Variants in RACGAP1 observed in about 807,000 individuals in gnomAD.
RACGAP1 encodes Rac GTPase activating protein 1.
RACGAP1 carries 30 observed loss-of-function variants against 78.1 expected under a neutral mutation model. The ratio of observed to expected loss-of-function variants is 0.38; its 90% confidence interval spans 0.29 to 0.52. The LOEUF (loss-of-function observed/expected upper bound fraction) is 0.52, where lower values mean the gene tolerates loss of function less well. Ranked by LOEUF, RACGAP1 falls within the 20% of genes least tolerant of loss-of-function variation. The pLI is 0.82. For missense variants in RACGAP1, 587 were observed against 777.1 expected (o/e 0.76, Z 2.91); for synonymous variants, 231 against 264.8 (o/e 0.87, Z 1.24).
intron 3 of RACGAP1, 126 bp downstream of exon 3, chr12:50,006,305 AAAG>A (rs1443725791): frequency 2.1e-6 from 2 of 975,134 alleles, no homozygotes; most frequent in Admixed American, 2.0e-5. Context: ...GCAAGCTGTT[AAAG>A]AACAGGTCAC....
chr12:50,004,334 C>T lies in RACGAP1; in HGVS notation c.426-30G>A, dbSNP rs779064368. The T allele has an allele frequency of 7.7e-6, 12 of 1,565,054 alleles. No homozygotes were observed. The East Asian group carries it at 2.3e-4, about 30-fold the overall frequency. The stretch of plus-strand genomic sequence containing the variant: ...ATCAGTGAAACAATACAACGTTAGA[C>T]ATGGTAGACTGTGGAATGTAAAATT... On this transcript the variant is annotated intron_variant, in intron 4 of 16. Transcript: ENST00000312377.
chr12:50,032,099 T>C (rs1451399976), intron 1 of RACGAP1, among the ~76,000 whole-genome samples: 1 of 152,076 alleles, frequency 6.6e-6, no homozygotes, highest in African/African-American at 2.4e-5. Context: ...TGAGCCAAGA[T>C]TGTGTCACAG....
intron 1 of RACGAP1, among the ~76,000 whole-genome samples, chr12:50,017,735 G>A (rs1347597385): frequency 1.3e-5 from 2 of 152,062 alleles, no homozygotes; most frequent in African/African-American, 2.4e-5. Flanking sequence ...TCTAGTCCAG[G>A]TCCTTATTTC....
intron 4 of RACGAP1, among the ~76,000 whole-genome samples, 178 bp from the exon 5 acceptor site, chr12:50,004,482 G>A (rs1482102700): frequency 6.6e-6 from 1 of 152,180 alleles, no homozygotes; most frequent in African/African-American, 2.4e-5. Flanking sequence ...TGGTTTCCAC[G>A]GAGGAGTGTG....
At chr12:50,008,737 C>A (rs193146349) in intron 2 of RACGAP1, among the ~76,000 whole-genome samples, 1 of 152,196 alleles carries the variant, frequency 6.6e-6, no homozygotes, top group Non-Finnish European at 1.5e-5. Context: ...AAGTGATTGA[C>A]CTGCCTCAGC....
chr12:50,016,680 A>T lies in RACGAP1; in HGVS notation c.36T>A (p.Phe12Leu), dbSNP rs1407100206. The T allele has an allele frequency of 3.2e-5, 51 of 1,613,938 alleles. No homozygotes were observed. The highest frequency in any genetic ancestry group is 4.2e-5 in the Non-Finnish European group (50 of 1,180,012). ...TCTCCACCCGGCGCACAAGCTGCTC[A>T]AACAGATTCCGCACATTCAGCATCA... ...DTMMLNVRNL[F>L]EQLVRRVEIL... The change falls in exon 2 of 17, where the codon TTT (phenylalanine) becomes TTA (leucine). Residue 12 changes from phenylalanine (F) to leucine (L), a missense_variant. Phe to Leu is a conservative substitution (Grantham distance 22). Coordinates refer to ENST00000312377, the MANE Select transcript of RACGAP1 (RefSeq NM_001319999.2).
At chr12:50,000,139 G>A (rs1461124171) in intron 7 of RACGAP1, among the ~76,000 whole-genome samples, 1 of 150,498 alleles carries the variant, frequency 6.6e-6, no homozygotes, top group South Asian at 2.1e-4. Flanking sequence ...TCAGCCTCCC[G>A]AGTAGCTGGG....
chr12:49,989,895 C>A lies in RACGAP1; in HGVS notation c.*373G>T. ...AGGTAGGGTTTCTGTCATTGTCTCA[C>A]GGAAATCAGTTCTAAATGAAACTAG... On this transcript the variant is annotated 3_prime_UTR_variant, in exon 17 of 17. Transcript: ENST00000312377. 5.8e-6 allele frequency: 1 copy of A among 171,720 alleles called. No individual in the cohort carries two copies. The allele number at this position is 171,720 out of a possible 1,614,324, so 10.6% of individuals were successfully genotyped here.
At chr12:50,031,757 C>T (rs907673998) in exon 2 of RACGAP1, 9 of 985,326 alleles carry the variant, frequency 9.1e-6, no homozygotes, top group African/African-American at 8.7e-5. Flanking sequence ...CATAAACTCC[C>T]GCAGCACTGT....
intron 10 of RACGAP1, among the ~76,000 whole-genome samples, 196 bp from the exon 11 acceptor site, chr12:49,994,705 T>G (rs1948136586): frequency 6.6e-6 from 1 of 152,204 alleles, no homozygotes; most frequent in Non-Finnish European, 1.5e-5. Flanking sequence ...GACTGATTTA[T>G]TATCATATAT....
chr12:49,991,476 TA>T (rs1565654114), intron 15 of RACGAP1, among the ~76,000 whole-genome samples: 25 of 38,688 alleles, frequency 6.5e-4, no homozygotes, highest in African/African-American at 1.4e-3. Context: ...TATATATATA[TA>T]TATTTTTTTT....
chr12:49,995,842 A>C (rs940385317), intron 10 of RACGAP1, among the ~76,000 whole-genome samples: 8 of 152,224 alleles, frequency 5.3e-5, no homozygotes, highest in Non-Finnish European at 8.8e-5. Context: ...AAACTGGTTA[A>C]ATATTTGGAA....
intron 2 of RACGAP1, among the ~76,000 whole-genome samples, chr12:50,016,336 G>A (rs1269823327): frequency 1.3e-5 from 2 of 151,722 alleles, no homozygotes; most frequent in South Asian, 2.1e-4. Flanking sequence ...GAGCCGAGAT[G>A]TCGCCACTGC....
In RACGAP1 at chr12:50,012,574, A is replaced by T. The variant is rs186980077; in HGVS notation, c.85+4057T>A. ...GAAACTCCATCTCAAAAAAATAAAA[A>T]AAATAAATAAATAAATAAAAATAAA... On this transcript the variant is annotated intron_variant, in intron 2 of 16. Transcript: ENST00000312377. Among the ~76,000 whole-genome samples the T allele has an allele frequency of 2.8e-3, 419 of 151,706 alleles. 1 individual carries two copies. Among genetic ancestry groups the T allele is most frequent in the Non-Finnish European group, 3.5e-3 (236 of 67,892 alleles).
chr12:50,024,333 T>C (rs1950169404), intron 1 of RACGAP1, among the ~76,000 whole-genome samples: 1 of 152,074 alleles, frequency 6.6e-6, no homozygotes, highest in South Asian at 2.1e-4. Context: ...TACTCAGCCA[T>C]AAAAAAGAAT....
chr12:49,996,668 AT>A lies in RACGAP1; in HGVS notation c.1044+371del, dbSNP rs1948304763. On this transcript the variant is annotated intron_variant, in intron 10 of 16. Transcript: ENST00000312377. ...AAAAAAAAAAAAAAAAAAAAAAAAA[AT>A]GGACACAAGTTAGTAATCATGGAAG... Among the ~76,000 whole-genome samples the A allele has an allele frequency of 1.1e-4, 14 of 129,322 alleles. 2 individuals carry two copies. Among genetic ancestry groups the A allele is most frequent in the African/African-American group, 5.3e-4 (14 of 26,416 alleles). The allele number at this position is 129,322 out of a possible 152,430, so 84.8% of individuals were successfully genotyped here.
chr12:50,029,759 G>T (rs1209309962), upstream of RACGAP1, among the ~76,000 whole-genome samples: 2 of 151,596 alleles, frequency 1.3e-5, no homozygotes, highest in Non-Finnish European at 2.9e-5. Context: ...TGGGCGTGGT[G>T]GCGGGCGCCT....
At chr12:49,994,001 C>T (rs746644619) in intron 12 of RACGAP1, 130 bp downstream of exon 12, 27 of 886,516 alleles carry the variant, frequency 3.0e-5, no homozygotes, top group African/African-American at 5.1e-5. Flanking sequence ...GCTGAGATTG[C>T]GCCACTGACT....
chr12:50,020,809 T>C (rs967578566), intron 1 of RACGAP1, among the ~76,000 whole-genome samples: 1 of 152,188 alleles, frequency 6.6e-6, no homozygotes, highest in African/African-American at 2.4e-5. Flanking sequence ...AAACAAGCTG[T>C]TCTAGATGAG....
Sources: gnomAD v4.1 joint callset for allele counts (sites outside exome capture counted in the v4.1 genomes callset) on GRCh38, gnomAD v4.1.1 for gene constraint, MANE v1.5 for transcripts, NCBI Gene and HGNC (gene_info 2026-07-23, HGNC 2026-07-21) for gene names.